The following CNTN4 variants were observed in gnomAD, a reference collection of about 807,000 sequenced individuals.
CNTN4 encodes the protein contactin 4.
A neutral mutation model predicts 122.5 loss-of-function variants in CNTN4; 77 were observed. The observed-to-expected ratio is 0.63, with a 90% CI of 0.52 to 0.76. The LOEUF (loss-of-function observed/expected upper bound fraction) is 0.76. CNTN4 is among the 30% of genes least tolerant of loss of function. CNTN4 has a pLI of 0.00. For missense variants in CNTN4, 1,256 were observed against 1,259.1 expected, an observed-to-expected ratio of 1.00 and a Z score of 0.04; for synonymous variants, 512 against 447.0, an observed-to-expected ratio of 1.15 and a Z score of -1.83.
intron 13 of CNTN4, among the ~76,000 whole-genome samples, chr3:2,983,145 T>C (rs1264660757): frequency 1.6e-5 from 2 of 126,946 alleles, no homozygotes; most frequent in Admixed American, 1.0e-4. Context: ...ACCCTGGAGG[T>C]GGAGCTTGCA....
intron 16 of CNTN4, 27 bp downstream of exon 16, chr3:3,031,002 T>C (rs1286967083): frequency 6.2e-7 from 1 of 1,613,712 alleles, no homozygotes; most frequent in East Asian, 2.2e-5. Context: ...TTATTGTTGT[T>C]CTTGAAATAT....
intron 7 of CNTN4, chr3:2,866,476 A>G: frequency 7.8e-7 from 1 of 1,280,824 alleles, no homozygotes; most frequent in Non-Finnish European, 1.0e-6. Context: ...AGCAAACTAT[A>G]AATGCTTAGC....
chr3:2,971,418 A>T (rs1846453), intron 13 of CNTN4, among the ~76,000 whole-genome samples: 1 of 152,160 alleles, frequency 6.6e-6, no homozygotes, highest in African/African-American at 2.4e-5. Context: ...TCAGAAGAGT[A>T]ATGCTAGTGA....
At chr3:2,147,159 G>T (rs1457810179) in intron 2 of CNTN4, among the ~76,000 whole-genome samples, 1 of 152,110 alleles carries the variant, frequency 6.6e-6, no homozygotes, top group Non-Finnish European at 1.5e-5. Flanking sequence ...GATTATAGGA[G>T]TGAGCCACTG....
intron 2 of CNTN4, among the ~76,000 whole-genome samples, chr3:2,217,583 A>T (rs1415800437): frequency 6.6e-6 from 1 of 152,174 alleles, no homozygotes; most frequent in South Asian, 2.1e-4. Context: ...CATAGATGTG[A>T]CTAATATTCA....
In CNTN4 at chr3:2,698,355, T is replaced by A. The variant is rs571696193; in HGVS notation, c.56-37860T>A. ...ATTTGAGTTTCTGATTAAGCCTGTG[T>A]TGTACCTGAGTCTGGAACTTTGCAA... On this transcript the variant is annotated intron_variant, in intron 4 of 24. Coordinates refer to ENST00000418658, the MANE Select transcript of CNTN4 (RefSeq NM_175607.3). Among the ~76,000 whole-genome samples the A allele has an allele frequency of 1.4e-4, 22 of 152,334 alleles. No homozygotes were observed. The East Asian group carries it at 3.3e-3, about 23-fold the overall frequency.
At chr3:2,804,737 C>CTTTAGTTTTTTTTTTTTTTTTT (rs1553643947) in intron 6 of CNTN4, among the ~76,000 whole-genome samples, 19 of 144,960 alleles carry the variant, frequency 1.3e-4, no homozygotes, top group African/African-American at 3.3e-4. Context: ...ATTTTGAGCA[C>CTTTAGTTTTTTTTTTTTTTTTT]TTTTTTTTTG....
At chr3:3,003,702 AAAAAAAAAAAAAC>A (rs1559775989) in intron 14 of CNTN4, among the ~76,000 whole-genome samples, 3 of 148,460 alleles carry the variant, frequency 2.0e-5, no homozygotes, top group Non-Finnish European at 4.4e-5. Context: ...AAAAAAAAAA[AAAAAAAAAAAAAC>A]AAAAAAACCC....
intron 10 of CNTN4, among the ~76,000 whole-genome samples, chr3:2,895,037 TC>T (rs1243741214): frequency 6.6e-6 from 1 of 152,084 alleles, no homozygotes; most frequent in Non-Finnish European, 1.5e-5. Flanking sequence ...TCTTGCTCTG[TC>T]CCCCATGCTG....
chr3:2,871,036 C>T (rs2093778396), intron 8 of CNTN4, among the ~76,000 whole-genome samples: 1 of 152,122 alleles, frequency 6.6e-6, no homozygotes, highest in Non-Finnish European at 1.5e-5. Context: ...ATGGCTCACT[C>T]CTTCCTACAT....
chr3:2,944,606 AC>A (rs2094654503), intron 13 of CNTN4, among the ~76,000 whole-genome samples: 1 of 151,926 alleles, frequency 6.6e-6, no homozygotes, highest in African/African-American at 2.4e-5. Flanking sequence ...ATGTAAGAAA[AC>A]TAACAGGAAT....
Position 2,439,756 on chromosome 3 carries a change from A to T in CNTN4, c.-89+100523A>T, listed in dbSNP as rs2048370462. On this transcript the variant is annotated intron_variant, in intron 3 of 24. Coordinates refer to ENST00000418658, the MANE Select transcript of CNTN4 (RefSeq NM_175607.3). ...AATTATGGAGAAGAGAAGAGCAATA[A>T]AACAGAGACAAACATTGAAGCAGTT... Among the ~76,000 whole-genome samples, 3 of 152,102 alleles carry T rather than the reference A, an allele frequency of 2.0e-5. No individual in the cohort carries two copies. In the South Asian group the frequency reaches 6.2e-4, roughly 32 times the overall value.
chr3:2,313,257 A>G (rs1185535786), intron 2 of CNTN4, among the ~76,000 whole-genome samples: 1 of 152,116 alleles, frequency 6.6e-6, no homozygotes, highest in East Asian at 1.9e-4. Context: ...AGTCATTATA[A>G]GAAGGGGTTA....
intron 4 of CNTN4, among the ~76,000 whole-genome samples, chr3:2,677,237 A>G (rs1378107701): frequency 3.3e-5 from 5 of 150,458 alleles, no homozygotes; most frequent in African/African-American, 9.7e-5. Flanking sequence ...AGAGAGATCT[A>G]TATACCTATA....
At chr3:2,239,840 G>T (rs909877392) in intron 2 of CNTN4, among the ~76,000 whole-genome samples, 4 of 152,180 alleles carry the variant, frequency 2.6e-5, no homozygotes, top group Non-Finnish European at 4.4e-5. Context: ...GATGGGAACA[G>T]ATCTAGGAAG....
At chr3:2,802,454 AT>A (rs1559519325) in intron 6 of CNTN4, among the ~76,000 whole-genome samples, 1 of 152,212 alleles carries the variant, frequency 6.6e-6, no homozygotes, top group East Asian at 1.9e-4. Context: ...GCCCAAGGGA[AT>A]AGCACCGAGG....
Position 2,291,427 on chromosome 3 carries a change from A to G in CNTN4, c.-144-47751A>G, listed in dbSNP as rs569428830. Among the ~76,000 whole-genome samples, 311 of 152,316 alleles carry G rather than the reference A, an allele frequency of 2.0e-3. 1 individual carries two copies. The highest frequency in any genetic ancestry group is 7.3e-3 in the African/African-American group (302 of 41,580). ...GCAATTAGACTAGCAGAGTCACCCT[A>G]GTTACAACTGGTTCCTATCCTCTCC... On this transcript the variant is annotated intron_variant, in intron 2 of 24. Coordinates refer to ENST00000418658, the MANE Select transcript of CNTN4 (RefSeq NM_175607.3).
intron 19 of CNTN4, chr3:3,039,272 G>T: frequency 2.5e-6 from 1 of 392,440 alleles, no homozygotes; most frequent in Non-Finnish European, 4.7e-6. Flanking sequence ...AATAAAGAAG[G>T]CTGTTTCAGA....
chr3:2,568,621 G>A (rs982658255), intron 3 of CNTN4, among the ~76,000 whole-genome samples: 11 of 152,030 alleles, frequency 7.2e-5, no homozygotes, highest in Admixed American at 2.0e-4. Context: ...ATGAAACTTC[G>A]TATCCTGCAC....
Sources: allele counts gnomAD v4.1 joint callset (sites outside exome capture counted in the v4.1 genomes callset), GRCh38; gene constraint gnomAD v4.1.1; transcripts MANE v1.5; gene names NCBI Gene and HGNC (gene_info 2026-07-23, HGNC 2026-07-21).